Variants in RASEF observed in about 807,000 individuals in gnomAD.
The protein encoded by RASEF is RAS and EF-hand domain containing.
In RASEF, 68 loss-of-function variants were observed where a neutral mutation model predicts 90.1. That is an observed-to-expected ratio of 0.75 (90% CI 0.62 to 0.92). The LOEUF is 0.92. Ranked by LOEUF, RASEF falls within the 40% of genes least tolerant of loss-of-function variation. The probability of loss-of-function intolerance (pLI) is 0.00; values close to 1 mark genes in which losing one functional copy is unlikely to be tolerated. For missense variants in RASEF, 949 were observed against 937.2 expected (o/e 1.01, Z -0.16); for synonymous variants, 331 against 345.2 (o/e 0.96, Z 0.46).
chr9:83,158,723 T>TATATATTTATGTACATATACATATATGC, the RASEF span, among the ~76,000 whole-genome samples: 391 of 142,724 alleles, frequency 2.7e-3, 7 homozygotes, highest in African/African-American at 9.6e-3. Context: ...TACATATATG[T>TATATATTTATGTACATATACATATATGC]ATATATTTAT....
At chr9:83,108,910 A>T in the RASEF span, among the ~76,000 whole-genome samples, 1 of 152,194 alleles carries the variant, frequency 6.6e-6, no homozygotes. Context: ...CCCAACTCTG[A>T]GAAGCCTTTC....
chr9:83,206,595 A>G, the RASEF span, among the ~76,000 whole-genome samples: 1 of 152,366 alleles, frequency 6.6e-6, no homozygotes, highest in Non-Finnish European at 1.5e-5. Context: ...AAATATTGGC[A>G]TAGCATCTTA....
At position 82,993,240 on chromosome 9, in the gene RASEF, A is replaced by G. The variant is rs74885754; in HGVS notation, c.1921-215T>C. ...AACTGAAATTCAGAGAGGTTAAATA[A>G]GAAGGTATAAGGGTCAGGGCCTGGA... On this transcript the variant is annotated intron_variant, in intron 14 of 16. Transcript: ENST00000376447. Among the ~76,000 whole-genome samples, 770 of 152,308 alleles carry G rather than the reference A, an allele frequency of 5.1e-3. 7 individuals are homozygous for G. Among genetic ancestry groups the G allele is most frequent in the African/African-American group, 0.018 (744 of 41,558 alleles).
chr9:82,986,171 T>G (rs1290573996), intron 16 of RASEF, among the ~76,000 whole-genome samples: 1 of 152,184 alleles, frequency 6.6e-6, no homozygotes, highest in Non-Finnish European at 1.5e-5. Flanking sequence ...TCCAGGTTGG[T>G]GGTGAAGAGT....
the RASEF span, among the ~76,000 whole-genome samples, chr9:83,102,655 A>G: frequency 6.6e-6 from 1 of 152,166 alleles, no homozygotes; most frequent in Non-Finnish European, 1.5e-5. Context: ...CGTGGGCAAG[A>G]GCCTTCAATG....
the RASEF span, among the ~76,000 whole-genome samples, chr9:83,100,816 G>A: frequency 6.6e-6 from 1 of 152,088 alleles, no homozygotes; most frequent in South Asian, 2.1e-4. Flanking sequence ...ACAGTTCCTG[G>A]AACATAGAAT....
chr9:83,132,892 C>T, the RASEF span, among the ~76,000 whole-genome samples: 1 of 152,176 alleles, frequency 6.6e-6, no homozygotes, highest in Non-Finnish European at 1.5e-5. Flanking sequence ...TATTGCCCAG[C>T]CCAGAAAGAG....
intron 1 of RASEF, among the ~76,000 whole-genome samples, chr9:83,045,219 CTGTT>C (rs773147574): frequency 5.9e-5 from 9 of 152,092 alleles, no homozygotes; most frequent in African/African-American, 1.4e-4. Context: ...CTTATTGGTT[CTGTT>C]TCTCTGGAGA....
Position 83,005,658 on chromosome 9 carries a change from T to A in RASEF, c.1029-158A>T, listed in dbSNP as rs1041111625. Among the ~76,000 whole-genome samples the A allele has an allele frequency of 2.0e-5, 3 of 152,244 alleles. No individual in the cohort carries two copies. In the East Asian group the frequency reaches 5.8e-4, roughly 29 times the overall value. On this transcript the variant is annotated intron_variant, in intron 7 of 16. Coordinates refer to ENST00000376447, the MANE Select transcript of RASEF (RefSeq NM_152573.4). The stretch of plus-strand genomic sequence containing the variant: ...TCCCTTCAAACCTCAAAAACTGAGA[T>A]AATTCATTACTTAAAGTACAAGAAC...
the RASEF span, among the ~76,000 whole-genome samples, chr9:83,183,861 G>T: frequency 4.8e-4 from 73 of 152,166 alleles, 1 homozygote; most frequent in Admixed American, 1.9e-3. Context: ...GGAGGGCTTT[G>T]GTGGCCATTT....
intron 16 of RASEF, among the ~76,000 whole-genome samples, chr9:82,983,058 G>C (rs1281725436): frequency 6.6e-6 from 1 of 150,886 alleles, no homozygotes; most frequent in African/African-American, 2.4e-5. Context: ...ACAGAAGTGG[G>C]ATTAAAACCA....
At chr9:83,158,953 G>A in the RASEF span, among the ~76,000 whole-genome samples, 23 of 151,772 alleles carry the variant, frequency 1.5e-4, no homozygotes, top group East Asian at 3.9e-3. Context: ...TTGGGAGGCC[G>A]AGGCGGGTAG....
At chr9:83,009,429 A>G (rs1235314213) in intron 6 of RASEF, among the ~76,000 whole-genome samples, 1 of 152,220 alleles carries the variant, frequency 6.6e-6, no homozygotes, top group Non-Finnish European at 1.5e-5. Flanking sequence ...GCCCTGCACT[A>G]GCCAAAACAG....
the RASEF span, among the ~76,000 whole-genome samples, chr9:83,098,093 A>T: frequency 1.3e-5 from 2 of 152,164 alleles, no homozygotes; most frequent in African/African-American, 4.8e-5. Flanking sequence ...TCCACACTGA[A>T]TGAACTTTCA....
chr9:83,088,039 ATATTTGTGAATTTCCCT>A, the RASEF span, among the ~76,000 whole-genome samples: 8 of 152,218 alleles, frequency 5.3e-5, no homozygotes, highest in East Asian at 1.5e-3. Flanking sequence ...TAATTTCCAC[ATATTTGTGAATTTCCCT>A]TATTTTAGTT....
At chr9:83,092,224 G>A in the RASEF span, among the ~76,000 whole-genome samples, 10 of 151,658 alleles carry the variant, frequency 6.6e-5, no homozygotes, top group Non-Finnish European at 1.5e-4. Context: ...ATCTTCAAAC[G>A]TGAACCAATT....
the RASEF span, among the ~76,000 whole-genome samples, chr9:83,069,436 C>T: frequency 2.0e-5 from 3 of 152,176 alleles, no homozygotes; most frequent in Non-Finnish European, 4.4e-5. Context: ...GTACACTATG[C>T]ACTCTTCCAT....
intron 1 of RASEF, among the ~76,000 whole-genome samples, chr9:83,030,745 G>C (rs1230271240): frequency 1.3e-5 from 2 of 152,194 alleles, no homozygotes; most frequent in Non-Finnish European, 2.9e-5. Context: ...CATGTGACTA[G>C]TTCTAGAAAA....
intron 1 of RASEF, among the ~76,000 whole-genome samples, chr9:83,058,561 G>A (rs983520730): frequency 2.6e-5 from 4 of 152,146 alleles, no homozygotes; most frequent in Admixed American, 6.5e-5. Flanking sequence ...AATTAAGGGA[G>A]CTGTGAAGCA....
Sources: gnomAD v4.1 joint callset for allele counts (sites outside exome capture counted in the v4.1 genomes callset) on GRCh38, gnomAD v4.1.1 for gene constraint, MANE v1.5 for transcripts, NCBI Gene and HGNC (gene_info 2026-07-23, HGNC 2026-07-21) for gene names.